The following LCORL variants were observed in gnomAD, a reference collection of about 807,000 sequenced individuals.
The protein encoded by LCORL is ligand-dependent nuclear receptor corepressor-like protein.
A neutral mutation model predicts 141.8 loss-of-function variants in LCORL; 41 were observed. That is an observed-to-expected ratio of 0.29 (90% CI 0.23 to 0.38). LCORL has a LOEUF of 0.38. Ranked by LOEUF, LCORL falls within the 10% of genes least tolerant of loss-of-function variation. The pLI, the probability that LCORL is intolerant of heterozygous loss-of-function variation, is 1.00. For synonymous variants in LCORL, 618 were observed against 694.1 expected (o/e 0.89, Z 1.72); for missense variants, 1,759 against 2,035.0 (o/e 0.86, Z 2.61).
Position 17,938,705 on chromosome 4 carries a change from G to A in LCORL, c.430+23198C>T, listed in dbSNP as rs556576565. Reference sequence around the variant, plus strand: ...TGGGATTGCAGGTGTGAGCCACCGCGCCCGGCCCTGTAACTGTTTCTAAAG... The same window carrying A: ...TGGGATTGCAGGTGTGAGCCACCGCACCCGGCCCTGTAACTGTTTCTAAAG... On this transcript the variant is annotated intron_variant, in intron 4 of 7. Transcript: ENST00000635767. Among the ~76,000 whole-genome samples the A allele has an allele frequency of 1.7e-3, 256 of 152,138 alleles. 4 individuals carry two copies. The highest frequency in any genetic ancestry group is 1.0e-3 in the Admixed American group (16 of 15,296).
At chr4:17,997,891 A>T (rs1721159056) in intron 1 of LCORL, among the ~76,000 whole-genome samples, 1 of 152,186 alleles carries the variant, frequency 6.6e-6, no homozygotes, top group Admixed American at 6.5e-5. Flanking sequence ...ACTCTTGCAA[A>T]TTGAAGAAAT....
exon 8 of LCORL, chr4:17,844,010 C>T (rs1722683930): frequency 6.6e-6 from 1 of 151,994 alleles, no homozygotes; most frequent in African/African-American, 2.4e-5. Context: ...GGAAATCTCT[C>T]TTCCTAAAGT....
intron 5 of LCORL, among the ~76,000 whole-genome samples, chr4:17,908,223 G>A (rs1356097264): frequency 6.6e-6 from 1 of 151,978 alleles, no homozygotes; most frequent in Non-Finnish European, 1.5e-5. Flanking sequence ...GTAGAGATGG[G>A]GTTTCTCCAT....
At chr4:17,903,858 T>A (rs1731234472) in intron 5 of LCORL, among the ~76,000 whole-genome samples, 1 of 151,990 alleles carries the variant, frequency 6.6e-6, no homozygotes, top group Admixed American at 6.6e-5. Flanking sequence ...TAAACAGACA[T>A]TTGAAGAAAC....
intron 7 of LCORL, among the ~76,000 whole-genome samples, chr4:17,854,537 G>A (rs781396645): frequency 2.6e-5 from 4 of 151,978 alleles, no homozygotes; most frequent in Admixed American, 1.3e-4. Flanking sequence ...TAATACAATC[G>A]TTTAATTTTG....
exon 7 of LCORL, chr4:17,875,451 T>C (rs1166605443): frequency 8.1e-6 from 10 of 1,231,338 alleles, no homozygotes; most frequent in African/African-American, 3.1e-5. Flanking sequence ...GGGACTATTA[T>C]ATTCAGTTGG....
At chr4:17,990,096 G>GTTTTT (rs372033680) in intron 1 of LCORL, among the ~76,000 whole-genome samples, 2 of 122,650 alleles carry the variant, frequency 1.6e-5, no homozygotes, top group Non-Finnish European at 3.4e-5. Flanking sequence ...AACTCTCTGC[G>GTTTTT]TTTTTTTTTT....
intron 4 of LCORL, among the ~76,000 whole-genome samples, chr4:17,934,880 T>C (rs187242659): frequency 1.3e-5 from 2 of 152,318 alleles, no homozygotes; most frequent in Admixed American, 6.5e-5. Context: ...TTTTAAAATA[T>C]ATTTTATCCT....
At chr4:17,962,023 G>T in exon 4 of LCORL, 2 of 1,599,142 alleles carry the variant, frequency 1.3e-6, no homozygotes, top group Non-Finnish European at 1.7e-6. Flanking sequence ...TCAAGAGATG[G>T]TATACAATCC....
intron 4 of LCORL, among the ~76,000 whole-genome samples, chr4:17,953,949 G>T (rs967757510): frequency 2.6e-5 from 4 of 152,068 alleles, no homozygotes; most frequent in Non-Finnish European, 5.9e-5. Context: ...AGATCACGAG[G>T]TCAGGAGATC....
At chr4:17,980,290 A>G (rs1351419050) in intron 1 of LCORL, among the ~76,000 whole-genome samples, 1 of 152,212 alleles carries the variant, frequency 6.6e-6, no homozygotes, top group African/African-American at 2.4e-5. Context: ...TCAATATTTG[A>G]TATTCTTCTA....
chr4:17,923,062 C>T (rs1019418563), intron 4 of LCORL, among the ~76,000 whole-genome samples: 2 of 152,170 alleles, frequency 1.3e-5, no homozygotes, highest in African/African-American at 4.8e-5. Context: ...AACTAAAGTC[C>T]CGGCAGGCCC....
chr4:17,863,857 A>G (rs1281825546), intron 7 of LCORL, among the ~76,000 whole-genome samples: 3 of 152,246 alleles, frequency 2.0e-5, no homozygotes, highest in African/African-American at 7.2e-5. Flanking sequence ...ACATGGATGG[A>G]GCTGGAGCCC....
At chr4:17,874,631 T>C in exon 7 of LCORL, 1 of 1,233,744 alleles carries the variant, frequency 8.1e-7, no homozygotes, top group South Asian at 4.1e-5. Flanking sequence ...CATCTCCACT[T>C]ACTTGCACCC....
At chr4:17,883,701 C>G (rs1221861194) in intron 6 of LCORL, 3 of 1,502,350 alleles carry the variant, frequency 2.0e-6, no homozygotes, top group Non-Finnish European at 2.7e-6. Flanking sequence ...CACTCACAAA[C>G]ATTTTCCTAA....
At chr4:17,886,089 G>T (rs1728233186) in exon 6 of LCORL, 1 of 1,588,350 alleles carries the variant, frequency 6.3e-7, no homozygotes, top group Non-Finnish European at 8.6e-7. Flanking sequence ...ATTTTCAGAA[G>T]AAGGATCACA....
At chr4:17,900,284 T>C (rs1730670263) in intron 5 of LCORL, among the ~76,000 whole-genome samples, 1 of 152,160 alleles carries the variant, frequency 6.6e-6, no homozygotes, top group African/African-American at 2.4e-5. Flanking sequence ...CTCACCTTAT[T>C]AAAAAAGCTT....
rs574029488 is a variant in LCORL at position 17,962,712 on chromosome 4, G to A, written c.300+258C>T. Among the ~76,000 whole-genome samples, 3 of 151,818 alleles carry A rather than the reference G, an allele frequency of 2.0e-5. No homozygotes were observed. In the South Asian group the frequency reaches 6.2e-4, roughly 32 times the overall value. On this transcript the variant is annotated intron_variant, in intron 3 of 7. Coordinates refer to ENST00000635767, the Ensembl canonical transcript of LCORL. ...AATAGACCTGAACTAAACTTAATGA[G>A]TCAGGGTAAGTAAGAGTAAGAAAGA...
intron 1 of LCORL, among the ~76,000 whole-genome samples, chr4:18,013,192 C>G (rs996677560): frequency 2.6e-5 from 4 of 152,090 alleles, no homozygotes; most frequent in Admixed American, 6.6e-5. Context: ...AATACCACTC[C>G]CTCCTGGTTT....
Sources: gnomAD v4.1 joint callset for allele counts (sites outside exome capture counted in the v4.1 genomes callset) on GRCh38, gnomAD v4.1.1 for gene constraint, MANE v1.5 for transcripts, NCBI Gene and HGNC (gene_info 2026-07-23, HGNC 2026-07-21) for gene names.